The following LIX1L variants were observed in gnomAD, a reference collection of about 807,000 sequenced individuals.
The protein encoded by LIX1L is LIX1-like protein.
In LIX1L, 20 loss-of-function variants were observed where a neutral mutation model predicts 34.0. That is an observed-to-expected ratio of 0.59 (90% confidence interval 0.41 to 0.85). The LOEUF is 0.85. LIX1L is among the 40% of genes least tolerant of loss of function. LIX1L has a pLI of 0.00. For synonymous variants in LIX1L, 170 were observed against 187.4 expected (o/e 0.91, Z 0.76); for missense variants, 397 against 447.0 (o/e 0.89, Z 1.01).
intron 1 of LIX1L, among the ~76,000 whole-genome samples, chr1:145,951,839 G>A (rs1176705511): frequency 1.3e-5 from 2 of 152,186 alleles, no homozygotes; most frequent in African/African-American, 4.8e-5. Context: ...CTATTAAAAA[G>A]CATATGTTCA....
At position 145,935,575 on chromosome 1, in the gene LIX1L, G is replaced by A. The variant is rs587601711; in HGVS notation, c.*735C>T. On this transcript the variant is annotated 3_prime_UTR_variant, in exon 6 of 6. Coordinates refer to ENST00000604000, the MANE Select transcript of LIX1L (RefSeq NM_153713.3). ...GATGTTTAGAGGGAATACTGAAAGA[G>A]AATCAGTTTCAACCATAACCCCCAT... The A allele has an allele frequency of 6.6e-6, 1 of 152,372 alleles. No homozygotes were observed. The allele number at this position is 152,372 out of a possible 1,614,324, so 9.4% of individuals were successfully genotyped here.
intron 1 of LIX1L, among the ~76,000 whole-genome samples, chr1:145,952,203 T>C (rs1649321715): frequency 6.6e-6 from 1 of 152,174 alleles, no homozygotes; most frequent in South Asian, 2.1e-4. Flanking sequence ...GGCTCCAAGG[T>C]CCAGTCCACA....
At chr1:145,941,734 CTG>C (rs1457762947) in intron 3 of LIX1L, among the ~76,000 whole-genome samples, 1 of 152,254 alleles carries the variant, frequency 6.6e-6, no homozygotes, top group East Asian at 1.9e-4. Context: ...CATTCCACTT[CTG>C]TGTTTTTAGT....
rs1570959822 is a variant in LIX1L, at chr1:145,937,696, T to A, written c.601A>T (p.Asn201Tyr). ...TTTGGGTTGTCAGCTTCCTCCCTGTTGCCCTGGTAGTAGAGGAACAGAAAA... is the reference window on the plus strand; with the variant it reads ...TTTGGGTTGTCAGCTTCCTCCCTGTAGCCCTGGTAGTAGAGGAACAGAAAA... ...VSEALASFNG[N>Y]REEADNPNTG... The change falls in exon 4 of 6, where the codon AAC becomes TAC. Residue 201 changes from asparagine (N) to tyrosine (Y), a missense_variant. Asn to Tyr is a moderately radical substitution (Grantham distance 143). Around this residue, in one of 3 missense-constraint regions of LIX1L, gnomAD observed 174 missense variants for 204.0 expected, o/e 0.85. Coordinates refer to ENST00000604000, the MANE Select transcript of LIX1L (RefSeq NM_153713.3). 5.0e-6 allele frequency: 8 copies of A among 1,602,382 alleles called. No homozygotes were observed. The East Asian group carries it at 1.8e-4, about 36-fold the overall frequency.
intron 1 of LIX1L, among the ~76,000 whole-genome samples, chr1:145,951,444 A>G (rs939442332): frequency 6.6e-6 from 1 of 152,230 alleles, no homozygotes; most frequent in Admixed American, 6.5e-5. Flanking sequence ...GAGAAGCAGC[A>G]TAAACTCTTT....
chr1:145,944,249 A>C (rs1649024360), intron 2 of LIX1L, among the ~76,000 whole-genome samples: 1 of 152,142 alleles, frequency 6.6e-6, no homozygotes, highest in Non-Finnish European at 1.5e-5. Flanking sequence ...GGTCCCAGCT[A>C]GTCAGGAGGT....
chr1:145,954,321 A>G (rs1173528613), intron 1 of LIX1L, among the ~76,000 whole-genome samples: 2 of 152,140 alleles, frequency 1.3e-5, no homozygotes, highest in Non-Finnish European at 2.9e-5. Flanking sequence ...TTAAGCCACT[A>G]AAGTTGTGAT....
chr1:145,936,229 G>A lies in LIX1L; in HGVS notation c.*81C>T, dbSNP rs1553757766. 3.6e-5 allele frequency: 52 copies of A among 1,462,922 alleles called. No homozygotes were observed. The highest frequency in any genetic ancestry group is 4.6e-6 in the Non-Finnish European group (5 of 1,080,918). 90.6% of individuals were successfully genotyped at this position (1,462,922 alleles called of 1,614,324 possible). ...TTAAAGTATAAAAATGAGAAAGTAT[G>A]TACAAAAAATCATCCTAAATCTTAG... is the stretch of plus-strand genomic sequence containing the variant. On this transcript the variant is annotated 3_prime_UTR_variant, in exon 6 of 6. Transcript: ENST00000604000.
In LIX1L at chr1:145,942,970, G is replaced by A. The variant is rs1648976539; in HGVS notation, c.457-117C>T. 11 of 1,010,850 alleles carry A rather than the reference G, an allele frequency of 1.1e-5. No homozygotes were observed. In the South Asian group the frequency reaches 1.7e-4, roughly 15 times the overall value. The allele number at this position is 1,010,850 out of a possible 1,614,324, so 62.6% of individuals were successfully genotyped here. ...ACTTGGACGCTCTTTGGATAAATCA[G>A]TTGTGTTCAACACACTTTCCAAGGT... On this transcript the variant is annotated intron_variant, in intron 2 of 5. Coordinates refer to ENST00000604000, the MANE Select transcript of LIX1L (RefSeq NM_153713.3).
intron 3 of LIX1L, among the ~76,000 whole-genome samples, chr1:145,941,550 G>T (rs1206262500): frequency 3.3e-5 from 5 of 152,116 alleles, no homozygotes; most frequent in Non-Finnish European, 7.4e-5. Context: ...ACTGCACCTG[G>T]CCTGTAATTA....
At position 145,942,202 on chromosome 1, in the gene LIX1L, C is replaced by A. The variant is rs143546531; in HGVS notation, c.597+511G>T. The A allele has an allele frequency of 5.2e-3, 802 of 153,394 alleles. 5 individuals carry two copies. The highest frequency in any genetic ancestry group is 0.016 in the African/African-American group (681 of 41,546). The allele number at this position is 153,394 out of a possible 1,614,324, so 9.5% of individuals were successfully genotyped here. On this transcript the variant is annotated intron_variant, in intron 3 of 5. Coordinates refer to ENST00000604000, the MANE Select transcript of LIX1L (RefSeq NM_153713.3). ...TCTGGCTAATTATGGTTATTCTTAT[C>A]ATCATCATTTGAAAGAACAGTTGTA...
Position 145,933,829 on chromosome 1 carries a change from G to A in LIX1L, c.*2481C>T, listed in dbSNP as rs797023586. 6.6e-6 allele frequency: 1 copy of A among 152,066 alleles called. No individual in the cohort carries two copies. The highest frequency in any genetic ancestry group is 2.4e-5 in the African/African-American group (1 of 41,392). The allele number at this position is 152,066 out of a possible 1,614,324, so 9.4% of individuals were successfully genotyped here. On this transcript the variant is annotated 3_prime_UTR_variant, in exon 6 of 6. Transcript: ENST00000604000. Reference sequence around the variant, plus strand: ...AAGAAAAAAAAAATGATAGGGCCTGGAGAATTCAAGGAAGCCCGTTTCAAG... The same window carrying A: ...AAGAAAAAAAAAATGATAGGGCCTGAAGAATTCAAGGAAGCCCGTTTCAAG...
At position 145,947,769 on chromosome 1, in the gene LIX1L, C is replaced by T. The variant is rs782376300; in HGVS notation, c.306G>A (p.Glu102=). ...TQGYGRVNVV[E]ALQEFWQMKQ... ...TCATCTGCCAGAATTCCTGAAGTGC[C>T]TCCACCACATTCACTACAAAAGAGA... The change falls in exon 2 of 6, where the codon GAG becomes GAA. Residue 102 remains glutamate (E), a synonymous_variant. Transcript: ENST00000604000. 1.2e-6 allele frequency: 2 copies of T among 1,614,144 alleles called. No individual in the cohort carries two copies. Among genetic ancestry groups the T allele is most frequent in the Admixed American group, 3.3e-5 (2 of 60,016 alleles).
intron 3 of LIX1L, among the ~76,000 whole-genome samples, chr1:145,941,554 G>A (rs1236680711): frequency 3.3e-5 from 5 of 151,972 alleles, no homozygotes; most frequent in Admixed American, 6.6e-5. Flanking sequence ...CACCTGGCCT[G>A]TAATTACATC....
At position 145,934,661 on chromosome 1, in the gene LIX1L, G is replaced by T. The variant is rs587703209; in HGVS notation, c.*1649C>A. ...GATGGAGACCGTCCTGGCTAACATG[G>T]TGAAACCCCGTCTCTACTAAAAATA... On this transcript the variant is annotated 3_prime_UTR_variant, in exon 6 of 6. Coordinates refer to ENST00000604000, the MANE Select transcript of LIX1L (RefSeq NM_153713.3). The T allele has an allele frequency of 1.3e-5, 2 of 151,476 alleles. No individual in the cohort carries two copies. The highest frequency in any genetic ancestry group is 1.3e-4 in the Admixed American group (2 of 15,144). 9.4% of individuals were successfully genotyped at this position (151,476 alleles called of 1,614,324 possible).
intron 3 of LIX1L, among the ~76,000 whole-genome samples, chr1:145,941,628 A>G (rs74119677): frequency 0.036 from 5,503 of 152,184 alleles, 372 homozygotes; most frequent in African/African-American, 0.13. Flanking sequence ...GAGAGGAAGG[A>G]AGATGGCGGT....
intron 1 of LIX1L, chr1:145,950,476 A>C (rs955859613): frequency 6.6e-6 from 1 of 152,174 alleles, no homozygotes; most frequent in African/African-American, 2.4e-5. Flanking sequence ...TCCCGGGTTC[A>C]TGTCATTCTC....
chr1:145,957,551 C>G (rs1649519021), intron 1 of LIX1L, 85 bp downstream of exon 1: 2 of 1,353,742 alleles, frequency 1.5e-6, no homozygotes, highest in East Asian at 3.0e-5. Context: ...GAGGGCTCCA[C>G]GCCAGGAAAA....
intron 2 of LIX1L, 42 bp downstream of exon 2, chr1:145,947,577 T>C (rs1649157763): frequency 1.2e-6 from 2 of 1,604,544 alleles, no homozygotes; most frequent in Non-Finnish European, 1.7e-6. Flanking sequence ...GTTACTAACA[T>C]CTAAGCATTT....
Sources: gnomAD v4.1 joint callset for allele counts (sites outside exome capture counted in the v4.1 genomes callset) on GRCh38, gnomAD v4.1.1 for gene constraint, gnomAD v4.1.1 regional missense constraint, MANE v1.5 for transcripts, NCBI Gene and HGNC (gene_info 2026-07-23, HGNC 2026-07-21) for gene names.